DYM: variants seen among roughly 807,000 people sequenced by gnomAD.
DYM encodes the protein dyggve-Melchior-Clausen syndrome protein.
In DYM, 78 loss-of-function variants were observed where a neutral mutation model predicts 93.1. The observed-to-expected ratio is 0.84, with a 90% CI of 0.70 to 1.01. The LOEUF (loss-of-function observed/expected upper bound fraction) is 1.01, where lower values mean the gene tolerates loss of function less well. DYM is among the 50% of genes least tolerant of loss of function. The pLI is 0.00. For missense variants in DYM, 789 were observed against 845.0 expected (o/e 0.93, Z 0.82); for synonymous variants, 321 against 319.7 (o/e 1.00, Z -0.04).
intron 2 of DYM, among the ~76,000 whole-genome samples, chr18:49,423,821 C>A (rs1261764949): frequency 6.6e-6 from 1 of 152,186 alleles, no homozygotes; most frequent in African/African-American, 2.4e-5. Context: ...TTCCTGGACA[C>A]ATACACCCTC....
intron 14 of DYM, among the ~76,000 whole-genome samples, chr18:49,187,341 T>C (rs1385346127): frequency 6.6e-6 from 1 of 152,216 alleles, no homozygotes; most frequent in African/African-American, 2.4e-5. Context: ...GTATCAACTC[T>C]GTGCTCATTT....
intron 6 of DYM, among the ~76,000 whole-genome samples, chr18:49,347,720 A>G (rs2064720542): frequency 1.3e-5 from 2 of 152,258 alleles, no homozygotes; most frequent in South Asian, 2.1e-4. Context: ...AATTAAAAAT[A>G]TATTAATTTG....
At chr18:49,452,148 A>G (rs938528798) in intron 1 of DYM, among the ~76,000 whole-genome samples, 4 of 152,120 alleles carry the variant, frequency 2.6e-5, no homozygotes, top group East Asian at 1.9e-4. Flanking sequence ...CGGCATGTCC[A>G]GAGTTTGTTC....
chr18:49,315,852 G>T (rs1016722447), intron 8 of DYM, among the ~76,000 whole-genome samples: 1 of 152,110 alleles, frequency 6.6e-6, no homozygotes, highest in African/African-American at 2.4e-5. Context: ...TCAACACTTT[G>T]TTACTGAATT....
chr18:49,370,772 T>TA (rs1355319251), intron 5 of DYM, among the ~76,000 whole-genome samples: 24 of 151,966 alleles, frequency 1.6e-4, no homozygotes, highest in African/African-American at 5.3e-4. Flanking sequence ...GTCTCCAAAA[T>TA]AAAAGAAAAA....
In DYM at chr18:49,233,362, A is replaced by G. The variant is rs537049532; in HGVS notation, c.1461-23647T>C. ...TGACAGGGCAAGATTCCATCAAAAA[A>G]AAAAAAAAGAAAAAAAACACCTTTC... On this transcript the variant is annotated intron_variant, in intron 13 of 17. Transcript: ENST00000675505. Among the ~76,000 whole-genome samples the G allele has an allele frequency of 2.6e-5, 4 of 152,142 alleles. No homozygotes were observed. In the East Asian group the frequency reaches 7.8e-4, roughly 29 times the overall value.
chr18:49,211,231 T>C (rs1360762783), intron 13 of DYM, among the ~76,000 whole-genome samples: 1 of 152,176 alleles, frequency 6.6e-6, no homozygotes, highest in Non-Finnish European at 1.5e-5. Flanking sequence ...TAAAAAATTT[T>C]AAACCGCTCC....
At chr18:49,183,084 A>T (rs9954569) in intron 14 of DYM, among the ~76,000 whole-genome samples, 12 of 151,922 alleles carry the variant, frequency 7.9e-5, no homozygotes, top group Non-Finnish European at 1.5e-4. Flanking sequence ...GTGATTGCAC[A>T]TTTTTTTTCC....
At chr18:49,428,034 T>C (rs1397186306) in intron 2 of DYM, among the ~76,000 whole-genome samples, 1 of 151,892 alleles carries the variant, frequency 6.6e-6, no homozygotes, top group Non-Finnish European at 1.5e-5. Flanking sequence ...AAGGCTATAG[T>C]GAGCTACGAT....
chr18:49,110,052 T>G (rs999558680), intron 16 of DYM, among the ~76,000 whole-genome samples: 9 of 152,244 alleles, frequency 5.9e-5, no homozygotes, highest in African/African-American at 2.2e-4. Flanking sequence ...TCTGGCCTGT[T>G]GTCTGTTTTT....
chr18:49,047,877 C>T (rs1033802709), intron 17 of DYM, among the ~76,000 whole-genome samples: 5 of 152,218 alleles, frequency 3.3e-5, no homozygotes, highest in African/African-American at 9.6e-5. Context: ...GCTCCCCATA[C>T]ATCATGCCGT....
Position 49,041,954 on chromosome 18 carries a change from C to T in DYM, c.*2101G>A, listed in dbSNP as rs956109368. 1.3e-5 allele frequency: 2 copies of T among 152,188 alleles called. No individual in the cohort carries two copies. Among genetic ancestry groups the T allele is most frequent in the Admixed American group, 6.5e-5 (1 of 15,276 alleles). 9.4% of individuals were successfully genotyped at this position (152,188 alleles called of 1,614,324 possible). A position where few individuals can be genotyped will look rare whatever the true frequency, so the allele number is the denominator to read the frequency against. On this transcript the variant is annotated 3_prime_UTR_variant, in exon 18 of 18. Transcript: ENST00000675505. ...TGGTCCTGCCAGAAGCTCAGCTGTT[C>T]CACATGACCCTTAAACATTTAAACA...
intron 1 of DYM, among the ~76,000 whole-genome samples, chr18:49,446,756 C>G (rs1346325812): frequency 6.6e-6 from 1 of 152,028 alleles, no homozygotes; most frequent in Admixed American, 6.5e-5. Context: ...TCCAAGAGTT[C>G]ATACCATAAA....
At chr18:49,435,166 C>T (rs1454796360) in intron 1 of DYM, among the ~76,000 whole-genome samples, 2 of 145,370 alleles carry the variant, frequency 1.4e-5, no homozygotes, top group African/African-American at 5.1e-5. Context: ...CAAGATCATG[C>T]CACTGCACTT....
At chr18:49,277,835 C>G (rs1260609744) in intron 10 of DYM, among the ~76,000 whole-genome samples, 3 of 152,226 alleles carry the variant, frequency 2.0e-5, no homozygotes, top group Non-Finnish European at 4.4e-5. Flanking sequence ...AAATTCTGAA[C>G]TGACTAAGCC....
intron 6 of DYM, among the ~76,000 whole-genome samples, chr18:49,353,173 T>A (rs1425835444): frequency 6.6e-6 from 1 of 152,138 alleles, no homozygotes; most frequent in Non-Finnish European, 1.5e-5. Flanking sequence ...AGATTATCTA[T>A]CCCCTAACTT....
At chr18:49,112,021 TAG>T (rs568936103) in intron 16 of DYM, among the ~76,000 whole-genome samples, 26 of 152,150 alleles carry the variant, frequency 1.7e-4, no homozygotes, top group Middle Eastern at 3.4e-3. Context: ...TACCCAGAAG[TAG>T]AGAGTTTTTT....
chr18:49,099,642 T>A (rs2079922062), intron 16 of DYM, among the ~76,000 whole-genome samples: 1 of 152,218 alleles, frequency 6.6e-6, no homozygotes, highest in South Asian at 2.1e-4. Context: ...ATGTTTTTTG[T>A]ACTCATTAAA....
At chr18:49,333,639 A>G in intron 7 of DYM, 89 bp downstream of exon 7, 1 of 1,356,496 alleles carries the variant, frequency 7.4e-7, no homozygotes, top group Non-Finnish European at 1.0e-6. Flanking sequence ...CTGGTTGGAG[A>G]TATGGGACGA....
Sources: gnomAD v4.1 joint callset for allele counts (sites outside exome capture counted in the v4.1 genomes callset) on GRCh38, gnomAD v4.1.1 for gene constraint, MANE v1.5 for transcripts, NCBI Gene and HGNC (gene_info 2026-07-23, HGNC 2026-07-21) for gene names.